Variants in C6orf62 observed in about 807,000 individuals in gnomAD.
The protein encoded by C6orf62 is uncharacterized protein C6orf62.
A neutral mutation model predicts 26.8 loss-of-function variants in C6orf62; 16 were observed. That is an observed-to-expected ratio of 0.60 (90% CI 0.40 to 0.91). C6orf62 has a LOEUF of 0.91. Ranked by LOEUF, C6orf62 falls within the 40% of genes least tolerant of loss-of-function variation. The pLI is 0.00. For missense variants in C6orf62, 192 were observed against 271.4 expected (o/e 0.71, Z 2.06); for synonymous variants, 112 against 91.5 (o/e 1.22, Z -1.28).
intron 3 of C6orf62, among the ~76,000 whole-genome samples, chr6:24,711,059 T>C (rs528006217): frequency 6.6e-6 from 1 of 151,984 alleles, no homozygotes; most frequent in South Asian, 2.1e-4. Flanking sequence ...AACAAATGTG[T>C]TAAAAACTGA....
chr6:24,708,863 C>A lies in C6orf62; in HGVS notation c.478G>T (p.Val160Leu). 6.2e-7 allele frequency: 1 copy of A among 1,614,202 alleles called. No homozygotes were observed. Among genetic ancestry groups the A allele is most frequent in the South Asian group, 1.1e-5 (1 of 91,086 alleles). The change falls in exon 4 of 5, where the codon GTA (valine) becomes TTA (leucine). Residue 160 changes from valine (V) to leucine (L), a missense_variant. Transcript: ENST00000378119. ...HGDYEKQFLHVLSRKDKTGIV... is the reference protein window; with the variant it reads ...HGDYEKQFLHLLSRKDKTGIV... ...CCAGTCTTGTCCTTGCGGCTCAGTACATGCAGAAACTGTTTTTCATAGTCA... is the reference window on the plus strand; with the variant it reads ...CCAGTCTTGTCCTTGCGGCTCAGTAAATGCAGAAACTGTTTTTCATAGTCA...
upstream of C6orf62, chr6:24,720,416 G>A (rs1442464919): frequency 9.7e-6 from 11 of 1,135,574 alleles, no homozygotes; most frequent in South Asian, 4.2e-5. Flanking sequence ...TGCTGCCGCC[G>A]CTCAGCCCCC....
At chr6:24,720,113 G>A, upstream of C6orf62, 4 of 1,394,858 alleles carry the variant, frequency 2.9e-6, no homozygotes, top group South Asian at 1.6e-5. Flanking sequence ...GGGTGGGGTC[G>A]TTAGTTGTTT....
In C6orf62 at chr6:24,706,113, T is replaced by TGAGAAG. The variant is rs1440954232; in HGVS notation, c.*23_*24insCTTCTC. The TGAGAAG allele has an allele frequency of 1.8e-5, 29 of 1,607,530 alleles. No homozygotes were observed. Among genetic ancestry groups the TGAGAAG allele is most frequent in the Non-Finnish European group, 2.2e-5 (26 of 1,177,196 alleles). ...AAAACTGCTGCTGCATTCTCTGATC[T>TGAGAAG]TCTCCATTTTGCTGGTCAGTACTCT... On this transcript the variant is annotated 3_prime_UTR_variant, in exon 5 of 5. Transcript: ENST00000378119.
upstream of C6orf62, chr6:24,719,452 C>T (rs1347440005): frequency 2.0e-5 from 22 of 1,085,850 alleles, no homozygotes; most frequent in Non-Finnish European, 2.5e-5. Flanking sequence ...CAGCTGTGGC[C>T]CAAAGGAGCC....
chr6:24,705,976 A>G lies in C6orf62; in HGVS notation c.*161T>C. 1 of 1,112,664 alleles carries G rather than the reference A, an allele frequency of 9.0e-7. No individual in the cohort carries two copies. 68.9% of individuals were successfully genotyped at this position (1,112,664 alleles called of 1,614,324 possible). ...TAATTTTTGTTTAAGTTCTGAGATA[A>G]AAATGATTTAAAAAAATCCAGGATG... On this transcript the variant is annotated 3_prime_UTR_variant, in exon 5 of 5. Transcript: ENST00000378119.
At chr6:24,710,866 C>G (rs1452589635) in intron 3 of C6orf62, among the ~76,000 whole-genome samples, 2 of 151,990 alleles carry the variant, frequency 1.3e-5, no homozygotes, top group Non-Finnish European at 2.9e-5. Flanking sequence ...GGGGTGCACA[C>G]CTGTGGTCCC....
At chr6:24,717,949 TC>T (rs1324774600) in intron 1 of C6orf62, among the ~76,000 whole-genome samples, 1 of 152,200 alleles carries the variant, frequency 6.6e-6, no homozygotes, top group East Asian at 1.9e-4. Flanking sequence ...AAATGAAACT[TC>T]CTCTAGGTCA....
upstream of C6orf62, chr6:24,720,040 A>G (rs1779323641): frequency 1.3e-6 from 2 of 1,484,902 alleles, no homozygotes; most frequent in Middle Eastern, 2.4e-4. Flanking sequence ...CCAAAAAATT[A>G]AGTTCCCGGA....
rs1778969304 is a variant in C6orf62, at chr6:24,704,904, AT to A, written c.*1232del. On this transcript the variant is annotated 3_prime_UTR_variant, in exon 5 of 5. Transcript: ENST00000378119. ...TAGTCAGGGAACTTTCACCTATTTT[AT>A]TTAGGTTTTCTTTTTCTTTTTTTCT... 6.6e-6 allele frequency: 1 copy of A among 152,378 alleles called. No homozygotes were observed. Among genetic ancestry groups the A allele is most frequent in the African/African-American group, 2.4e-5 (1 of 41,448 alleles). 9.4% of individuals were successfully genotyped at this position (152,378 alleles called of 1,614,324 possible). A position where few individuals can be genotyped will look rare whatever the true frequency, so the allele number is the denominator to read the frequency against.
intron 1 of C6orf62, among the ~76,000 whole-genome samples, chr6:24,717,657 G>A (rs903575048): frequency 2.0e-5 from 3 of 152,132 alleles, no homozygotes; most frequent in Non-Finnish European, 4.4e-5. Flanking sequence ...TTAAACAGTA[G>A]GGGGAAACCT....
intron 3 of C6orf62, among the ~76,000 whole-genome samples, chr6:24,711,697 A>T (rs932487938): frequency 1.3e-5 from 2 of 152,016 alleles, no homozygotes; most frequent in Non-Finnish European, 2.9e-5. Flanking sequence ...AAAACAAAAA[A>T]AAGAGGCCTG....
Position 24,706,251 on chromosome 6 carries a change from G to GT in C6orf62, c.575dup (p.Asn192LysfsTer42). On this transcript the variant is annotated frameshift_variant, in exon 5 of 5. Transcript: ENST00000378119. ...TGCATAACTTGAAGATTGTAGCTTT[G>GT]TTTTTTGGAGTCTGGAAGGGGAAAA... 1.2e-6 allele frequency: 2 copies of GT among 1,614,008 alleles called. No individual in the cohort carries two copies. Among genetic ancestry groups the GT allele is most frequent in the Non-Finnish European group, 1.7e-6 (2 of 1,179,984 alleles).
At chr6:24,719,267 G>A (rs999555051), upstream of C6orf62, 1 of 988,232 alleles carries the variant, frequency 1.0e-6, no homozygotes, top group Admixed American at 6.1e-5. Context: ...CCAGCTCCAT[G>A]GCTGTAGTAC....
At chr6:24,716,100 G>C (rs1489998708) in intron 2 of C6orf62, 48 bp downstream of exon 2, 3 of 1,534,114 alleles carry the variant, frequency 2.0e-6, no homozygotes, top group South Asian at 2.3e-5. Flanking sequence ...GAAATGCAAG[G>C]TTAATCCACA....
At chr6:24,717,087 A>G (rs1779248908) in intron 1 of C6orf62, among the ~76,000 whole-genome samples, 1 of 152,080 alleles carries the variant, frequency 6.6e-6, no homozygotes, top group East Asian at 1.9e-4. Context: ...ACTACTCAAG[A>G]CCAAGTACGC....
At chr6:24,717,867 T>C (rs539456758) in intron 1 of C6orf62, among the ~76,000 whole-genome samples, 1 of 152,356 alleles carries the variant, frequency 6.6e-6, no homozygotes, top group East Asian at 1.9e-4. Flanking sequence ...ATCCCATCCT[T>C]GACTACTCAC....
At chr6:24,706,339 AATTTAT>A in intron 4 of C6orf62, 77 bp from the exon 5 acceptor site, 1 of 1,555,578 alleles carries the variant, frequency 6.4e-7, no homozygotes. Flanking sequence ...CATTTCCCAC[AATTTAT>A]TAAACATCTT....
intron 2 of C6orf62, among the ~76,000 whole-genome samples, 153 bp downstream of exon 2, chr6:24,715,995 T>C (rs990133333): frequency 1.3e-5 from 2 of 149,390 alleles, no homozygotes; most frequent in African/African-American, 5.0e-5. Flanking sequence ...TTTAAAGTCA[T>C]GATCCCAGTT....
Sources: allele counts gnomAD v4.1 joint callset (sites outside exome capture counted in the v4.1 genomes callset), GRCh38; gene constraint gnomAD v4.1.1; transcripts MANE v1.5; gene names NCBI Gene and HGNC (gene_info 2026-07-23, HGNC 2026-07-21).